Variants in EXOC4 observed in about 807,000 individuals in gnomAD.
The protein encoded by EXOC4 is exocyst complex component 4, also known as SEC8-like 1.
In EXOC4, 71 loss-of-function variants were observed where a neutral mutation model predicts 107.2. The observed-to-expected ratio is 0.66, with a 90% CI of 0.55 to 0.81. The LOEUF is 0.81. EXOC4 is among the 30% of genes least tolerant of loss of function. EXOC4 has a pLI of 0.00. For missense variants in EXOC4, 1,108 were observed against 1,189.6 expected, an observed-to-expected ratio of 0.93 and a Z score of 1.01; for synonymous variants, 456 against 441.2, an observed-to-expected ratio of 1.03 and a Z score of -0.42.
At chr7:134,019,448 A>ATGATGATGAT (rs4035681) in intron 17 of EXOC4, among the ~76,000 whole-genome samples, 1 of 150,946 alleles carries the variant, frequency 6.6e-6, no homozygotes, top group East Asian at 1.9e-4. Context: ...GATGATGATG[A>ATGATGATGAT]CATATTCCAA....
chr7:133,861,463 T>C (rs2116341452), intron 11 of EXOC4, among the ~76,000 whole-genome samples: 1 of 152,300 alleles, frequency 6.6e-6, no homozygotes, highest in South Asian at 2.1e-4. Context: ...CGGAAACTCC[T>C]GGGCACCACC....
chr7:133,724,998 C>A (rs1398839509), intron 10 of EXOC4, among the ~76,000 whole-genome samples: 1 of 152,096 alleles, frequency 6.6e-6, no homozygotes, highest in Non-Finnish European at 1.5e-5. Context: ...GAAGGTTTAG[C>A]GAAGTACAGG....
chr7:133,301,686 T>C (rs187671540), intron 3 of EXOC4, among the ~76,000 whole-genome samples: 3 of 152,322 alleles, frequency 2.0e-5, no homozygotes, highest in Non-Finnish European at 2.9e-5. Context: ...TATACAGCAG[T>C]TTTTCTTCTT....
chr7:133,442,099 T>G (rs1164659161), intron 7 of EXOC4, among the ~76,000 whole-genome samples: 1 of 152,200 alleles, frequency 6.6e-6, no homozygotes, highest in Non-Finnish European at 1.5e-5. Context: ...ATTAGAGGTT[T>G]TTTGGTTAGC....
intron 13 of EXOC4, among the ~76,000 whole-genome samples, chr7:133,923,565 G>A (rs993391513): frequency 6.6e-6 from 1 of 151,976 alleles, no homozygotes; most frequent in Non-Finnish European, 1.5e-5. Context: ...ATCCTCTTTT[G>A]TAACATATTT....
chr7:133,626,095 T>A (rs1396678786), intron 9 of EXOC4, among the ~76,000 whole-genome samples: 1 of 152,006 alleles, frequency 6.6e-6, no homozygotes, highest in Non-Finnish European at 1.5e-5. Context: ...TAATCCCAGC[T>A]ACTCAGGAGG....
At chr7:133,253,405 G>A in intron 1 of EXOC4, 1 of 1,312,722 alleles carries the variant, frequency 7.6e-7, no homozygotes, top group Non-Finnish European at 9.7e-7. Flanking sequence ...CCCCGCCTCA[G>A]TCTTTTCTTT....
At chr7:133,789,974 A>T (rs1433752787) in intron 10 of EXOC4, among the ~76,000 whole-genome samples, 1 of 152,158 alleles carries the variant, frequency 6.6e-6, no homozygotes, top group African/African-American at 2.4e-5. Flanking sequence ...CAACCTGTTG[A>T]CCACATAATT....
At chr7:133,355,582 G>T (rs1264376980) in intron 5 of EXOC4, among the ~76,000 whole-genome samples, 2 of 152,122 alleles carry the variant, frequency 1.3e-5, no homozygotes, top group East Asian at 3.9e-4. Context: ...TAAAGTTTTG[G>T]TTATTTCTTC....
intron 5 of EXOC4, among the ~76,000 whole-genome samples, chr7:133,327,674 T>G (rs1156389913): frequency 6.6e-6 from 1 of 152,214 alleles, no homozygotes; most frequent in Non-Finnish European, 1.5e-5. Flanking sequence ...TATCTTTATT[T>G]CTGCCTTCAT....
chr7:133,336,616 T>A (rs909133554), intron 5 of EXOC4, among the ~76,000 whole-genome samples: 1 of 152,038 alleles, frequency 6.6e-6, no homozygotes, highest in African/African-American at 2.4e-5. Context: ...CTGGTATGTT[T>A]AAGGTTTATT....
At chr7:133,536,192 G>A (rs1800266164) in intron 9 of EXOC4, among the ~76,000 whole-genome samples, 1 of 152,148 alleles carries the variant, frequency 6.6e-6, no homozygotes, top group Non-Finnish European at 1.5e-5. Flanking sequence ...GGATTTGATA[G>A]GGCAACCTAA....
At chr7:133,393,056 T>G (rs1322562898) in intron 7 of EXOC4, among the ~76,000 whole-genome samples, 5 of 152,168 alleles carry the variant, frequency 3.3e-5, no homozygotes. Flanking sequence ...ACAGTAGTAG[T>G]TTTGTTTATT....
rs185158839 is a variant in EXOC4 at position 133,426,630 on chromosome 7, C to T, written c.1183-48698C>T. ...GAAATTATGAAAACTGTTACCATGT[C>T]TTGCTATCTTTGCTTTGCCAAGGGC... On this transcript the variant is annotated intron_variant, in intron 7 of 17. Transcript: ENST00000253861. Among the ~76,000 whole-genome samples the T allele has an allele frequency of 2.1e-3, 316 of 152,324 alleles. 1 individual carries two copies. Among genetic ancestry groups the T allele is most frequent in the African/African-American group, 6.9e-3 (288 of 41,576 alleles).
At chr7:134,049,670 A>G (rs767127258) in intron 17 of EXOC4, among the ~76,000 whole-genome samples, 1 of 152,184 alleles carries the variant, frequency 6.6e-6, no homozygotes, top group Admixed American at 6.5e-5. Flanking sequence ...TCACATTGCT[A>G]TAAGTACATA....
intron 17 of EXOC4, among the ~76,000 whole-genome samples, chr7:134,038,108 G>A (rs990438576): frequency 3.3e-5 from 5 of 152,176 alleles, no homozygotes; most frequent in African/African-American, 1.2e-4. Flanking sequence ...ATTTCCTGAG[G>A]CTAGTCTGAG....
downstream of EXOC4, among the ~76,000 whole-genome samples, chr7:134,068,064 A>G (rs1472078357): frequency 1.3e-5 from 2 of 152,180 alleles, no homozygotes; most frequent in African/African-American, 4.8e-5. Context: ...GTATGTCCAG[A>G]TCAGCTCAAG....
At chr7:133,937,671 T>C (rs568748197) in intron 13 of EXOC4, among the ~76,000 whole-genome samples, 5 of 152,324 alleles carry the variant, frequency 3.3e-5, no homozygotes, top group East Asian at 3.9e-4. Context: ...GGCACAATCA[T>C]TGGAGTCACT....
intron 14 of EXOC4, among the ~76,000 whole-genome samples, chr7:133,971,355 TATATATAGAGAGAGAGAG>T (rs1343214137): frequency 6.5e-4 from 66 of 101,706 alleles, no homozygotes; most frequent in African/African-American, 2.8e-3. Context: ...TATATATATA[TATATATAGAGAGAGAGAG>T]AGAGAGAGAG....
Sources: allele counts gnomAD v4.1 joint callset (sites outside exome capture counted in the v4.1 genomes callset), GRCh38; gene constraint gnomAD v4.1.1; transcripts MANE v1.5; gene names NCBI Gene and HGNC (gene_info 2026-07-23, HGNC 2026-07-21).